The following KIRREL3 variants were observed in gnomAD, a reference collection of about 807,000 sequenced individuals.
KIRREL3 encodes kin of IRRE-like protein 3.
KIRREL3 carries 36 observed loss-of-function variants against 89.7 expected under a neutral mutation model. That is an observed-to-expected ratio of 0.40 (90% confidence interval 0.31 to 0.53). The LOEUF is 0.53. Among genes scored for constraint, KIRREL3 ranks in the 20% least tolerant of loss-of-function variants. The pLI, the probability that KIRREL3 is intolerant of heterozygous loss-of-function variation, is 0.49. For synonymous variants in KIRREL3, 445 were observed against 441.4 expected (o/e 1.01, Z -0.10); for missense variants, 864 against 1,056.6 (o/e 0.82, Z 2.53).
chr11:126,650,092 C>T (rs1944851099), intron 1 of KIRREL3, among the ~76,000 whole-genome samples: 1 of 152,228 alleles, frequency 6.6e-6, no homozygotes, highest in East Asian at 1.9e-4. Context: ...CCCCTTTCAG[C>T]CATGGCTGTA....
chr11:126,863,700 T>C (rs952905399), intron 1 of KIRREL3, among the ~76,000 whole-genome samples: 1 of 152,086 alleles, frequency 6.6e-6, no homozygotes, highest in Non-Finnish European at 1.5e-5. Context: ...TGTGTAGCAG[T>C]GTAGTAGCGG....
rs977119128 is a variant in KIRREL3, at chr11:126,635,404, C to T, written c.56-72492G>A. Among the ~76,000 whole-genome samples the T allele has an allele frequency of 2.0e-5, 3 of 152,178 alleles. No homozygotes were observed. Among genetic ancestry groups the T allele is most frequent in the Non-Finnish European group, 4.4e-5 (3 of 68,030 alleles). ...GGGTTATGTTATGGATTGGAGGGAG[C>T]AGAGAAGCTTCCTCATTAAAAGGGC... On this transcript the variant is annotated intron_variant, in intron 1 of 16. Coordinates refer to ENST00000525144, the MANE Select transcript of KIRREL3 (RefSeq NM_032531.4). The surrounding 1 kb of genome is among the most constrained non-coding windows in gnomAD (Gnocchi z 4.0).
intron 2 of KIRREL3, among the ~76,000 whole-genome samples, chr11:126,536,512 G>A (rs1263693475): frequency 6.6e-6 from 1 of 152,146 alleles, no homozygotes; most frequent in African/African-American, 2.4e-5. Context: ...GGGCAGCATG[G>A]ACTAGTACAA....
At chr11:126,469,548 G>A (rs929419128) in intron 5 of KIRREL3, among the ~76,000 whole-genome samples, 11 of 152,202 alleles carry the variant, frequency 7.2e-5, no homozygotes, top group African/African-American at 2.7e-4. Flanking sequence ...TAACCTACTG[G>A]GTATACTCCA....
At chr11:126,921,424 TATC>T (rs1947277928) in intron 1 of KIRREL3, among the ~76,000 whole-genome samples, 1 of 151,994 alleles carries the variant, frequency 6.6e-6, no homozygotes, top group Admixed American at 6.6e-5. Flanking sequence ...TCTATCTATC[TATC>T]TATCTATCTA....
At chr11:126,547,674 T>C (rs1313024530) in intron 2 of KIRREL3, among the ~76,000 whole-genome samples, 1 of 152,150 alleles carries the variant, frequency 6.6e-6, no homozygotes, top group Non-Finnish European at 1.5e-5. Context: ...TGGGGCAGGA[T>C]CAGAGGGGCC....
rs1948893938 is a variant in KIRREL3, at chr11:126,955,446, C to T, written c.55+45009G>A. On this transcript the variant is annotated intron_variant, in intron 1 of 16. Coordinates refer to ENST00000525144, the MANE Select transcript of KIRREL3 (RefSeq NM_032531.4). This position sits in a 1 kb window ranked among gnomAD's most constrained non-coding sequence, Gnocchi z 4.6. Reference sequence around the variant, plus strand: ...AAGTGCTTTGGAAGAAATGCCCTGGCCGCCCATGGGCCGGGATCTTCCTAG... The same window carrying T: ...AAGTGCTTTGGAAGAAATGCCCTGGTCGCCCATGGGCCGGGATCTTCCTAG... 6.6e-6 allele frequency among the ~76,000 whole-genome samples: 1 copy of T among 152,178 alleles called. No homozygotes were observed.
At chr11:126,966,543 C>G (rs975189556) in intron 1 of KIRREL3, among the ~76,000 whole-genome samples, 2 of 152,130 alleles carry the variant, frequency 1.3e-5, no homozygotes, top group African/African-American at 4.8e-5. Flanking sequence ...GCCGCAGAAC[C>G]GTGGTGTACT....
At chr11:126,835,065 C>T (rs1303332710) in intron 1 of KIRREL3, among the ~76,000 whole-genome samples, 2 of 152,190 alleles carry the variant, frequency 1.3e-5, no homozygotes, top group Non-Finnish European at 2.9e-5. Context: ...TTTCTACCAT[C>T]GTGGAGTTTC....
In KIRREL3 at chr11:126,797,269, A is replaced by G. The variant is rs2134378362; in HGVS notation, c.55+203186T>C. 6.6e-6 allele frequency among the ~76,000 whole-genome samples: 1 copy of G among 152,292 alleles called. No homozygotes were observed. The highest frequency in any genetic ancestry group is 1.5e-5 in the Non-Finnish European group (1 of 68,022). The stretch of plus-strand genomic sequence containing the variant: ...CACTTATTGACCTCTCTGAGACTCA[A>G]TTTCTCATCTATGAAATAGACTAAT... On this transcript the variant is annotated intron_variant, in intron 1 of 16. Transcript: ENST00000525144. This position sits in a 1 kb window ranked among gnomAD's most constrained non-coding sequence, Gnocchi z 4.9.
intron 1 of KIRREL3, among the ~76,000 whole-genome samples, chr11:126,691,620 A>C (rs1478675609): frequency 1.3e-5 from 2 of 152,228 alleles, no homozygotes; most frequent in Non-Finnish European, 2.9e-5. Context: ...TATATGTAGC[A>C]GTAGTAAAAC....
chr11:126,923,459 T>A (rs1463027547), intron 1 of KIRREL3, among the ~76,000 whole-genome samples: 1 of 146,356 alleles, frequency 6.8e-6, no homozygotes, highest in African/African-American at 2.5e-5. Flanking sequence ...TTTTTTTTTT[T>A]TTGAGACAGA....
chr11:126,439,585 G>A (rs2134173139), intron 11 of KIRREL3, among the ~76,000 whole-genome samples: 1 of 150,430 alleles, frequency 6.6e-6, no homozygotes, highest in South Asian at 2.1e-4. Context: ...GGGAGGCTGG[G>A]GTAGGAGGAT....
intron 1 of KIRREL3, among the ~76,000 whole-genome samples, chr11:126,928,530 ACTGTCATGAGCTGGAGG>A (rs1156944502): frequency 6.6e-6 from 1 of 152,152 alleles, no homozygotes; most frequent in Non-Finnish European, 1.5e-5. Flanking sequence ...GCAGGCGGAC[ACTGTCATGAGCTGGAGG>A]CTGAAGCCTG....
intron 1 of KIRREL3, among the ~76,000 whole-genome samples, chr11:126,972,205 G>GAGAGAGAGAGAGAGAGAGAGT (rs1949445226): frequency 2.4e-5 from 1 of 40,992 alleles, no homozygotes; most frequent in Non-Finnish European, 7.6e-5. Context: ...AGAGAGAGAG[G>GAGAGAGAGAGAGAGAGAGAGT]ACTGTGCATA....
At chr11:126,869,833 A>G (rs1278185067) in intron 1 of KIRREL3, among the ~76,000 whole-genome samples, 1 of 152,222 alleles carries the variant, frequency 6.6e-6, no homozygotes, top group Non-Finnish European at 1.5e-5. Context: ...GTTAAGCAGA[A>G]GAAAACTCCC....
chr11:126,859,837 C>T (rs1944650455), intron 1 of KIRREL3, among the ~76,000 whole-genome samples: 1 of 152,118 alleles, frequency 6.6e-6, no homozygotes, highest in Admixed American at 6.5e-5. Flanking sequence ...TGTTATAGCA[C>T]CAACCTTAAC....
chr11:126,929,421 T>C (rs1222550381), intron 1 of KIRREL3, among the ~76,000 whole-genome samples: 1 of 152,138 alleles, frequency 6.6e-6, no homozygotes, highest in Non-Finnish European at 1.5e-5. Flanking sequence ...GAGAGGCCTT[T>C]TGTGTACAGA....
intron 1 of KIRREL3, among the ~76,000 whole-genome samples, chr11:126,798,169 T>G (rs925739362): frequency 8.7e-6 from 1 of 114,682 alleles, no homozygotes; most frequent in Non-Finnish European, 1.8e-5. Flanking sequence ...CCCTGATTCA[T>G]GAGCCCCCAA....
Sources: allele counts gnomAD v4.1 joint callset (sites outside exome capture counted in the v4.1 genomes callset), GRCh38; gene constraint gnomAD v4.1.1; non-coding constraint Gnocchi (gnomAD v3.1); transcripts MANE v1.5; gene names NCBI Gene and HGNC (gene_info 2026-07-23, HGNC 2026-07-21).